RPS6KC1: variants seen among roughly 807,000 people sequenced by gnomAD.
RPS6KC1 encodes the protein inactive ribosomal protein S6 kinase delta-1.
In RPS6KC1, 54 loss-of-function variants were observed where a neutral mutation model predicts 103.8. The ratio of observed to expected loss-of-function variants is 0.52; its 90% CI spans 0.42 to 0.65. The LOEUF is 0.65. RPS6KC1 is among the 30% of genes least tolerant of loss of function. RPS6KC1 has a pLI of 0.00. For missense variants in RPS6KC1, 1,151 were observed against 1,253.8 expected (o/e 0.92, Z 1.24); for synonymous variants, 439 against 438.7 (o/e 1.00, Z -0.01).
At chr1:213,520,831 TAACA>T in the RPS6KC1 span, among the ~76,000 whole-genome samples, 3 of 152,308 alleles carry the variant, frequency 2.0e-5, no homozygotes, top group South Asian at 2.1e-4. Context: ...AAACAAAATA[TAACA>T]AACATTTATT....
At chr1:213,520,800 G>A in the RPS6KC1 span, among the ~76,000 whole-genome samples, 1 of 152,148 alleles carries the variant, frequency 6.6e-6, no homozygotes, top group Non-Finnish European at 1.5e-5. Context: ...TCAAAAAGAA[G>A]GGTGTGTGCT....
chr1:213,822,992 T>C, the RPS6KC1 span, among the ~76,000 whole-genome samples: 1 of 152,160 alleles, frequency 6.6e-6, no homozygotes, highest in Non-Finnish European at 1.5e-5. Context: ...TGTCTTCCAA[T>C]AATGCTCAGA....
the RPS6KC1 span, among the ~76,000 whole-genome samples, chr1:213,497,220 T>G: frequency 6.6e-6 from 1 of 152,252 alleles, no homozygotes; most frequent in Non-Finnish European, 1.5e-5. Flanking sequence ...ATGTTTTTAC[T>G]GAACACTGTA....
intron 1 of RPS6KC1, among the ~76,000 whole-genome samples, chr1:213,063,664 T>A (rs1270389882): frequency 6.6e-6 from 1 of 152,136 alleles, no homozygotes; most frequent in Non-Finnish European, 1.5e-5. Context: ...AACATAAAAA[T>A]AAAAAATTGA....
chr1:213,353,108 A>G, the RPS6KC1 span, among the ~76,000 whole-genome samples: 1 of 152,198 alleles, frequency 6.6e-6, no homozygotes, highest in East Asian at 1.9e-4. Context: ...TATTATGTGT[A>G]TTGTCTATCT....
chr1:213,159,242 C>T (rs1446944949), intron 6 of RPS6KC1, among the ~76,000 whole-genome samples: 1 of 152,128 alleles, frequency 6.6e-6, no homozygotes, highest in Admixed American at 6.5e-5. Context: ...GAGTAGTTTC[C>T]TGGCATATGC....
At chr1:213,160,644 T>C (rs2090373156) in intron 6 of RPS6KC1, among the ~76,000 whole-genome samples, 2 of 147,704 alleles carry the variant, frequency 1.4e-5, no homozygotes, top group South Asian at 2.2e-4. Flanking sequence ...TGGCAAGTCA[T>C]ATACAACATG....
At chr1:213,451,644 G>A in the RPS6KC1 span, among the ~76,000 whole-genome samples, 1 of 152,206 alleles carries the variant, frequency 6.6e-6, no homozygotes, top group Non-Finnish European at 1.5e-5. Flanking sequence ...ATCTCCATGA[G>A]GCTAAGCTCC....
chr1:213,643,853 A>T, the RPS6KC1 span, among the ~76,000 whole-genome samples: 7 of 152,034 alleles, frequency 4.6e-5, no homozygotes, highest in African/African-American at 1.4e-4. Context: ...TCACAAATAG[A>T]TATTAAATAT....
chr1:213,704,629 G>C, the RPS6KC1 span, among the ~76,000 whole-genome samples: 1 of 152,060 alleles, frequency 6.6e-6, no homozygotes, highest in African/African-American at 2.4e-5. Flanking sequence ...TTGGTCCCTG[G>C]TGCCTTATTT....
chr1:213,652,769 C>A, the RPS6KC1 span, among the ~76,000 whole-genome samples: 3 of 152,148 alleles, frequency 2.0e-5, no homozygotes, highest in Non-Finnish European at 2.9e-5. Flanking sequence ...GCGAGTGCAG[C>A]CATCCCAGAC....
intron 1 of RPS6KC1, among the ~76,000 whole-genome samples, chr1:213,066,913 C>T (rs191662250): frequency 2.0e-5 from 3 of 152,274 alleles, no homozygotes; most frequent in Admixed American, 2.0e-4. Context: ...AAGTTGGGAA[C>T]TGCTTAGGGC....
At chr1:213,318,628 C>A in the RPS6KC1 span, among the ~76,000 whole-genome samples, 1 of 152,206 alleles carries the variant, frequency 6.6e-6, no homozygotes, top group Admixed American at 6.5e-5. Context: ...TTCCTTATGG[C>A]TGGAGAGCAA....
At chr1:213,759,800 A>G in the RPS6KC1 span, among the ~76,000 whole-genome samples, 1 of 152,196 alleles carries the variant, frequency 6.6e-6, no homozygotes. Context: ...CAGTATTGTG[A>G]GTGGGCAAAA....
chr1:213,794,301 A>G, the RPS6KC1 span: 4 of 152,318 alleles, frequency 2.6e-5, no homozygotes, highest in African/African-American at 9.6e-5. Context: ...AGAAACAACA[A>G]TGAGACTGTT....
At chr1:213,660,124 G>A in the RPS6KC1 span, among the ~76,000 whole-genome samples, 1 of 152,218 alleles carries the variant, frequency 6.6e-6, no homozygotes, top group African/African-American at 2.4e-5. Context: ...GGGCATATTA[G>A]CTTGGCTACA....
chr1:213,594,828 G>C, the RPS6KC1 span, among the ~76,000 whole-genome samples: 1 of 152,316 alleles, frequency 6.6e-6, no homozygotes, highest in Admixed American at 6.5e-5. Context: ...ACAAGACACT[G>C]GGAGACAGAG....
chr1:213,782,102 C>T, the RPS6KC1 span, among the ~76,000 whole-genome samples: 3 of 152,076 alleles, frequency 2.0e-5, no homozygotes, highest in Non-Finnish European at 4.4e-5. Flanking sequence ...AGTGGTTTAA[C>T]ACAACAAAGG....
chr1:213,051,533 G>A (rs919016208), intron 1 of RPS6KC1, 24 bp downstream of exon 1: 2 of 1,546,476 alleles, frequency 1.3e-6, no homozygotes, highest in Non-Finnish European at 1.8e-6. Flanking sequence ...TCGGGCTGGG[G>A]TAGAGCTTGG....
Sources: allele counts gnomAD v4.1 joint callset (sites outside exome capture counted in the v4.1 genomes callset), GRCh38; gene constraint gnomAD v4.1.1; transcripts MANE v1.5; gene names NCBI Gene and HGNC (gene_info 2026-07-23, HGNC 2026-07-21).